DOCK10: variants seen among roughly 807,000 people sequenced by gnomAD.
The protein encoded by DOCK10 is dedicator of cytokinesis protein 10.
A neutral mutation model predicts 280.1 loss-of-function variants in DOCK10; 145 were observed. The observed-to-expected ratio is 0.52, with a 90% CI of 0.45 to 0.59. DOCK10 has a LOEUF of 0.59. Ranked by LOEUF, DOCK10 falls within the 20% of genes least tolerant of loss-of-function variation. The pLI, the probability that DOCK10 is intolerant of heterozygous loss-of-function variation, is 0.00. For missense variants in DOCK10, 2,368 were observed against 2,651.7 expected (o/e 0.89, Z 2.35); for synonymous variants, 915 against 942.2 (o/e 0.97, Z 0.53).
intron 1 of DOCK10, among the ~76,000 whole-genome samples, chr2:225,019,255 G>A (rs942863211): frequency 1.3e-5 from 2 of 152,016 alleles, no homozygotes; most frequent in African/African-American, 4.8e-5. Flanking sequence ...TCTTGAATGA[G>A]TAAAGGCTGT....
At chr2:224,909,515 G>A (rs77067772) in intron 3 of DOCK10, among the ~76,000 whole-genome samples, 1,583 of 152,260 alleles carry the variant, frequency 0.01, 26 homozygotes, top group African/African-American at 0.036. Flanking sequence ...TGTGAGGAGT[G>A]GAAGTACCCT....
intron 50 of DOCK10, among the ~76,000 whole-genome samples, chr2:224,785,506 A>G (rs1050951092): frequency 3.9e-5 from 6 of 151,982 alleles, no homozygotes; most frequent in African/African-American, 1.5e-4. Flanking sequence ...TCTTTGATGG[A>G]GTCTCACTCT....
intron 1 of DOCK10, among the ~76,000 whole-genome samples, chr2:225,011,254 C>T (rs648887): frequency 0.45 from 68,435 of 151,850 alleles, 16,447 homozygotes; most frequent in South Asian, 0.6. Context: ...TACGGCTTTT[C>T]AGGTAGGTAG....
chr2:224,872,585 G>A (rs550917625), intron 11 of DOCK10, among the ~76,000 whole-genome samples: 1 of 152,330 alleles, frequency 6.6e-6, no homozygotes, highest in Admixed American at 6.5e-5. Flanking sequence ...AGGTCAGTAG[G>A]TATCAAGTAA....
intron 2 of DOCK10, among the ~76,000 whole-genome samples, chr2:224,931,183 T>C (rs1448583548): frequency 6.6e-6 from 1 of 152,174 alleles, no homozygotes; most frequent in African/African-American, 2.4e-5. Flanking sequence ...GTCTTTGCCA[T>C]TGGTTGGTTT....
intron 55 of DOCK10, among the ~76,000 whole-genome samples, chr2:224,767,898 C>A (rs2124923969): frequency 6.9e-6 from 1 of 143,924 alleles, no homozygotes; most frequent in Non-Finnish European, 1.5e-5. Context: ...TGATGTGTAG[C>A]TATCCATTCT....
Position 224,964,302 on chromosome 2 carries a change from C to T in DOCK10, c.124-32634G>A, listed in dbSNP as rs539330022. Among the ~76,000 whole-genome samples the T allele has an allele frequency of 3.3e-5, 5 of 152,104 alleles. No individual in the cohort carries two copies. In the South Asian group the frequency reaches 6.2e-4, roughly 19 times the overall value. ...GTGTTGTTCATTTTCTAAATGCAAACGATTCTTTAATATAGCTTGATCTTA... is the reference window on the plus strand; with the variant it reads ...GTGTTGTTCATTTTCTAAATGCAAATGATTCTTTAATATAGCTTGATCTTA... On this transcript the variant is annotated intron_variant, in intron 1 of 55. Transcript: ENST00000258390.
intron 2 of DOCK10, among the ~76,000 whole-genome samples, chr2:224,917,101 C>T (rs372692988): frequency 1.9e-3 from 179 of 95,740 alleles, no homozygotes; most frequent in South Asian, 2.5e-3. Context: ...CTATTGGAAT[C>T]TTTTTTTTTT....
chr2:224,809,180 G>A (rs1186855855), intron 31 of DOCK10, among the ~76,000 whole-genome samples: 1 of 152,066 alleles, frequency 6.6e-6, no homozygotes, highest in Admixed American at 6.6e-5. Context: ...CAGTAATAAT[G>A]GATTTATTCA....
Position 225,042,241 on chromosome 2 carries a change from G to A in DOCK10, c.123+11C>T, listed in dbSNP as rs931573101. On this transcript the variant is annotated intron_variant, in intron 1 of 55. Transcript: ENST00000258390. The surrounding 1 kb of genome is among the most constrained non-coding windows in gnomAD (Gnocchi z 5.1). ...GCGCGCGGGAAGGCGCGGAGGACGCGCCGCACTCACCCGCTGCTGCTGCCG... is the reference window on the plus strand; with the variant it reads ...GCGCGCGGGAAGGCGCGGAGGACGCACCGCACTCACCCGCTGCTGCTGCCG... 3.2e-6 allele frequency: 4 copies of A among 1,267,720 alleles called. No individual in the cohort carries two copies. In the East Asian group the frequency reaches 9.6e-5, roughly 30 times the overall value. 78.5% of individuals were successfully genotyped at this position (1,267,720 alleles called of 1,614,324 possible).
In DOCK10 at chr2:224,770,628, C is replaced by T. The variant is rs907372379; in HGVS notation, c.6222G>A (p.Met2074Ile). ...SVSVKVNAGP[M>I]AYARAFLEET... is the part of the protein sequence containing the mutation. ...CTTCAAGAAAAGCTCGTGCATAGGC[C>T]ATTGGCCCAGCATTAACCTGTTGAG... Residue 2074 changes from methionine to isoleucine, a missense_variant, in exon 54 of 56, where the codon ATG becomes ATA. Around this residue, in one of 2 missense-constraint regions of DOCK10, gnomAD observed 1,159 missense variants for 1,400.8 expected, o/e 0.83. Coordinates refer to ENST00000258390, the MANE Select transcript of DOCK10 (RefSeq NM_014689.3). This position sits in a 1 kb window ranked among gnomAD's most constrained non-coding sequence, Gnocchi z 4.5. 9 of 1,613,606 alleles carry T rather than the reference C, an allele frequency of 5.6e-6. No individual in the cohort carries two copies. Among genetic ancestry groups the T allele is most frequent in the Non-Finnish European group, 7.6e-6 (9 of 1,179,646 alleles).
chr2:225,020,067 C>T (rs1449463025), intron 1 of DOCK10, among the ~76,000 whole-genome samples: 1 of 152,164 alleles, frequency 6.6e-6, no homozygotes, highest in Non-Finnish European at 1.5e-5. Context: ...GTAGACAGAA[C>T]ACTTTCCTCT....
chr2:224,804,050 C>A, intron 39 of DOCK10, 62 bp downstream of exon 39: 1 of 859,714 alleles, frequency 1.2e-6, no homozygotes, highest in Admixed American at 2.1e-5. Flanking sequence ...CTGACATGTG[C>A]ATATACAGAC....
At chr2:225,039,360 G>A (rs1197013233) in intron 1 of DOCK10, among the ~76,000 whole-genome samples, 2 of 152,158 alleles carry the variant, frequency 1.3e-5, no homozygotes, top group Non-Finnish European at 2.9e-5. Flanking sequence ...ATTGATCTTC[G>A]AATGAGTTGT....
chr2:224,837,690 A>T, intron 25 of DOCK10, 72 bp downstream of exon 25: 1 of 1,318,494 alleles, frequency 7.6e-7, no homozygotes, highest in Non-Finnish European at 1.1e-6. Context: ...CTTCCCACTT[A>T]CTGCAGACAG....
intron 1 of DOCK10, chr2:225,010,334 C>G (rs781381218): frequency 6.6e-6 from 1 of 152,038 alleles, no homozygotes; most frequent in Admixed American, 6.6e-5. Context: ...AGGGCACCCC[C>G]AAAGGGCCTG....
intron 4 of DOCK10, among the ~76,000 whole-genome samples, chr2:224,889,669 T>C (rs1163485549): frequency 1.3e-5 from 2 of 152,210 alleles, no homozygotes; most frequent in Non-Finnish European, 2.9e-5. Context: ...GTCAACTTTA[T>C]GGGATGGCAG....
In DOCK10 at chr2:224,765,578, G is replaced by T; in HGVS notation, c.*143C>A. 1 of 574,240 alleles carries T rather than the reference G, an allele frequency of 1.7e-6. No homozygotes were observed. The highest frequency in any genetic ancestry group is 1.9e-5 in the African/African-American group (1 of 52,502). The allele number at this position is 574,240 out of a possible 1,614,324, so 35.6% of individuals were successfully genotyped here. A position where few individuals can be genotyped will look rare whatever the true frequency, so the allele number is the denominator to read the frequency against. Reference sequence around the variant, plus strand: ...TACAAAATGTGCAAATTCAGAGGTTGGCAAAATTCTGAAGCTAGCGAGGTA... The same window carrying T: ...TACAAAATGTGCAAATTCAGAGGTTTGCAAAATTCTGAAGCTAGCGAGGTA... On this transcript the variant is annotated 3_prime_UTR_variant, in exon 56 of 56. Transcript: ENST00000258390.
intron 17 of DOCK10, among the ~76,000 whole-genome samples, chr2:224,852,707 ATTAT>A (rs1430994637): frequency 1.3e-5 from 2 of 152,208 alleles, no homozygotes; most frequent in Non-Finnish European, 2.9e-5. Context: ...GTCGAACAAA[ATTAT>A]TTAAGACTGA....
Sources: gnomAD v4.1 joint callset for allele counts (sites outside exome capture counted in the v4.1 genomes callset) on GRCh38, gnomAD v4.1.1 for gene constraint, gnomAD v4.1.1 regional missense constraint, Gnocchi (gnomAD v3.1) non-coding constraint, MANE v1.5 for transcripts, NCBI Gene and HGNC (gene_info 2026-07-23, HGNC 2026-07-21) for gene names.